KCNT2: variants seen among roughly 807,000 people sequenced by gnomAD.
KCNT2 encodes the protein potassium channel subfamily T member 2.
A neutral mutation model predicts 153.8 loss-of-function variants in KCNT2; 67 were observed. That is an observed-to-expected ratio of 0.44 (90% CI 0.36 to 0.53). KCNT2 has a LOEUF of 0.53. Ranked by LOEUF, KCNT2 falls within the 20% of genes least tolerant of loss-of-function variation. The pLI, the probability that KCNT2 is intolerant of heterozygous loss-of-function variation, is 0.00. For missense variants in KCNT2, 975 were observed against 1,354.8 expected (o/e 0.72, Z 4.40); for synonymous variants, 500 against 458.8 (o/e 1.09, Z -1.15).
intron 11 of KCNT2, among the ~76,000 whole-genome samples, chr1:196,424,276 T>C (rs1673458488): frequency 6.6e-6 from 1 of 151,940 alleles, no homozygotes. Flanking sequence ...CAGATAAATT[T>C]GTTAGATGGA....
intron 6 of KCNT2, 24 bp from the exon 7 acceptor site, chr1:196,467,810 C>CAAA: frequency 6.7e-7 from 1 of 1,485,062 alleles, no homozygotes; most frequent in Non-Finnish European, 9.4e-7. Flanking sequence ...CAAAACAAAA[C>CAAA]TAGACTTTTA....
At chr1:196,248,134 G>A (rs1655618533) in intron 26 of KCNT2, among the ~76,000 whole-genome samples, 2 of 151,992 alleles carry the variant, frequency 1.3e-5, no homozygotes, top group South Asian at 4.2e-4. Context: ...AAAATCTATG[G>A]GGTACAATGA....
chr1:196,300,171 T>G (rs934036264), intron 22 of KCNT2, among the ~76,000 whole-genome samples: 2 of 152,188 alleles, frequency 1.3e-5, no homozygotes, highest in African/African-American at 2.4e-5. Context: ...AATGATGGCT[T>G]GAGAAGAAGC....
At chr1:196,584,984 C>T (rs879420648) in intron 1 of KCNT2, among the ~76,000 whole-genome samples, 16 of 152,050 alleles carry the variant, frequency 1.1e-4, no homozygotes, top group Non-Finnish European at 2.4e-4. Context: ...AAAGAGTCAG[C>T]ACACATGTGT....
intron 6 of KCNT2, 81 bp downstream of exon 6, chr1:196,468,913 T>C: frequency 1.3e-6 from 1 of 788,312 alleles, no homozygotes; most frequent in Non-Finnish European, 2.1e-6. Flanking sequence ...AGCTACCATA[T>C]TATTTAACAG....
At chr1:196,457,378 G>T (rs1284455396) in intron 8 of KCNT2, among the ~76,000 whole-genome samples, 1 of 151,650 alleles carries the variant, frequency 6.6e-6, no homozygotes, top group Non-Finnish European at 1.5e-5. Flanking sequence ...ATAGTAAACT[G>T]AACTTAGAGC....
intron 1 of KCNT2, among the ~76,000 whole-genome samples, chr1:196,593,478 A>G (rs1297846672): frequency 6.6e-6 from 1 of 151,856 alleles, no homozygotes; most frequent in African/African-American, 2.4e-5. Context: ...ATCTTTTTGT[A>G]TAATGACTTC....
chr1:196,386,173 A>G (rs2148391969), intron 13 of KCNT2, among the ~76,000 whole-genome samples: 1 of 152,182 alleles, frequency 6.6e-6, no homozygotes, highest in Non-Finnish European at 1.5e-5. Flanking sequence ...CACTTTGAAA[A>G]CAGATATTCT....
At chr1:196,446,942 T>A (rs1231142532) in intron 8 of KCNT2, among the ~76,000 whole-genome samples, 1 of 151,622 alleles carries the variant, frequency 6.6e-6, no homozygotes, top group Non-Finnish European at 1.5e-5. Flanking sequence ...AATGTAGATC[T>A]ATAAAGTTTT....
In KCNT2 at chr1:196,590,201, G is replaced by A. The variant is rs113391990; in HGVS notation, c.95+18014C>T. Among the ~76,000 whole-genome samples the A allele has an allele frequency of 6.8e-3, 1,032 of 152,258 alleles. 9 individuals carry two copies. Among genetic ancestry groups the A allele is most frequent in the African/African-American group, 0.022 (902 of 41,564 alleles). On this transcript the variant is annotated intron_variant, in intron 1 of 27. Coordinates refer to ENST00000294725, the MANE Select transcript of KCNT2 (RefSeq NM_198503.5). ...TGAAAGGAATAAAGCCAAGTATACT[G>A]CTACTTGCCAATCTTTACTTTTCCC...
At chr1:196,307,648 A>C (rs995470827) in intron 21 of KCNT2, among the ~76,000 whole-genome samples, 1 of 152,148 alleles carries the variant, frequency 6.6e-6, no homozygotes. Context: ...CTTGATGAAG[A>C]GGGCACTGAA....
At chr1:196,257,650 C>G in intron 26 of KCNT2, 1 of 962,760 alleles carries the variant, frequency 1.0e-6, no homozygotes, top group Non-Finnish European at 1.2e-6. Context: ...AATTATGGAT[C>G]ATATATAGGA....
Position 196,398,680 on chromosome 1 carries a change from A to T in KCNT2, c.1186-9T>A, listed in dbSNP as rs1197303086. On this transcript the variant is annotated splice_polypyrimidine_tract_variant and intron_variant, in intron 12 of 27. Coordinates refer to ENST00000294725, the MANE Select transcript of KCNT2 (RefSeq NM_198503.5). ...AAAATTGTTTGGTGATCCTGAAGTG[A>T]TCAAAATAAAAACATCATAGCATAA... 1 of 1,423,394 alleles carries T rather than the reference A, an allele frequency of 7.0e-7. No individual in the cohort carries two copies. 88.2% of individuals were successfully genotyped at this position (1,423,394 alleles called of 1,614,324 possible).
chr1:196,370,553 AGC>A (rs201100395), intron 14 of KCNT2, among the ~76,000 whole-genome samples: 86 of 148,988 alleles, frequency 5.8e-4, no homozygotes, highest in South Asian at 2.5e-3. Context: ...GATAAAAAAA[AGC>A]GCGGATAATT....
At chr1:196,475,632 GGAA>G (rs1678468889) in intron 5 of KCNT2, among the ~76,000 whole-genome samples, 2 of 151,844 alleles carry the variant, frequency 1.3e-5, no homozygotes, top group African/African-American at 4.8e-5. Flanking sequence ...CTAACTTGAA[GGAA>G]GGAGTATGTT....
At chr1:196,282,985 C>CA (rs1213820466) in intron 23 of KCNT2, among the ~76,000 whole-genome samples, 1 of 152,168 alleles carries the variant, frequency 6.6e-6, no homozygotes, top group East Asian at 1.9e-4. Flanking sequence ...GCTGAGATGA[C>CA]AGGCATGCGC....
intron 5 of KCNT2, among the ~76,000 whole-genome samples, chr1:196,475,769 G>A (rs1241503799): frequency 6.6e-6 from 1 of 152,088 alleles, no homozygotes; most frequent in African/African-American, 2.4e-5. Flanking sequence ...TCACAGATTG[G>A]ACTATATTGA....
At chr1:196,374,861 A>G (rs1668822456) in intron 13 of KCNT2, among the ~76,000 whole-genome samples, 1 of 151,828 alleles carries the variant, frequency 6.6e-6, no homozygotes, top group Non-Finnish European at 1.5e-5. Flanking sequence ...ATGATCTGAG[A>G]AAAATATGTA....
intron 4 of KCNT2, 24 bp downstream of exon 4, chr1:196,482,307 G>C (rs746856021): frequency 6.6e-7 from 1 of 1,508,154 alleles, no homozygotes; most frequent in Non-Finnish European, 9.1e-7. Context: ...AGAGATATAG[G>C]GATAAAACAA....
Sources: allele counts gnomAD v4.1 joint callset (sites outside exome capture counted in the v4.1 genomes callset), GRCh38; gene constraint gnomAD v4.1.1; transcripts MANE v1.5; gene names NCBI Gene and HGNC (gene_info 2026-07-23, HGNC 2026-07-21).